BMS1: variants seen among roughly 807,000 people sequenced by gnomAD.
BMS1 encodes BMS1 ribosome biogenesis factor, also known as ribosome biogenesis protein BMS1 homolog.
In BMS1, 53 loss-of-function variants were observed where a neutral mutation model predicts 138.7. That is an observed-to-expected ratio of 0.38 (90% CI 0.31 to 0.48). The LOEUF (loss-of-function observed/expected upper bound fraction) is 0.48. Among genes scored for constraint, BMS1 ranks in the 20% least tolerant of loss-of-function variants. The pLI, the probability that BMS1 is intolerant of heterozygous loss-of-function variation, is 0.97. For missense variants in BMS1, 1,360 were observed against 1,565.5 expected, an observed-to-expected ratio of 0.87 and a Z score of 2.22; for synonymous variants, 504 against 539.9, an observed-to-expected ratio of 0.93 and a Z score of 0.92.
intron 7 of BMS1, 97 bp downstream of exon 7, chr10:42,792,711 A>G: frequency 6.6e-7 from 1 of 1,522,688 alleles, no homozygotes; most frequent in South Asian, 1.3e-5. Context: ...ACAAGGGAAG[A>G]TGGCCTTGCT....
intron 21 of BMS1, among the ~76,000 whole-genome samples, chr10:42,829,785 C>T (rs1842750794): frequency 6.6e-6 from 1 of 152,118 alleles, no homozygotes; most frequent in Non-Finnish European, 1.5e-5. Flanking sequence ...CACGGCACTG[C>T]TCTCTAGCCT....
intron 4 of BMS1, among the ~76,000 whole-genome samples, chr10:42,788,284 C>T (rs1045036785): frequency 6.6e-6 from 1 of 152,076 alleles, no homozygotes; most frequent in Non-Finnish European, 1.5e-5. Flanking sequence ...ATTTGTTTCT[C>T]TTTTATTTAA....
intron 13 of BMS1, 98 bp from the exon 14 acceptor site, chr10:42,816,493 AGAATGAGG>A: frequency 1.2e-6 from 1 of 811,310 alleles, no homozygotes; most frequent in Non-Finnish European, 1.9e-6. Flanking sequence ...AGGAACAGTG[AGAATGAGG>A]CTTGGAACGC....
rs1842793422 is a variant in BMS1, at chr10:42,831,210, T to C, written c.*114T>C. 1 of 1,117,622 alleles carries C rather than the reference T, an allele frequency of 8.9e-7. No homozygotes were observed. Among genetic ancestry groups the C allele is most frequent in the Non-Finnish European group, 1.3e-6 (1 of 794,114 alleles). The allele number at this position is 1,117,622 out of a possible 1,614,324, so 69.2% of individuals were successfully genotyped here. On this transcript the variant is annotated 3_prime_UTR_variant, in exon 23 of 23. Coordinates refer to ENST00000374518, the MANE Select transcript of BMS1 (RefSeq NM_014753.4). ...TGGGAAAGAGCTCAAGAGATGTCTCTACTCAAACTGTGCCTGCAGGAGGAG... is the reference window on the plus strand; with the variant it reads ...TGGGAAAGAGCTCAAGAGATGTCTCCACTCAAACTGTGCCTGCAGGAGGAG...
chr10:42,792,936 C>T (rs1239153055), intron 7 of BMS1, 21 bp from the exon 8 acceptor site: 1 of 1,598,430 alleles, frequency 6.3e-7, no homozygotes, highest in Admixed American at 1.8e-5. Flanking sequence ...CTGAAGCTGG[C>T]TTTTGGGTTC....
At chr10:42,799,092 C>G (rs950984254) in intron 12 of BMS1, among the ~76,000 whole-genome samples, 4 of 152,186 alleles carry the variant, frequency 2.6e-5, no homozygotes, top group Non-Finnish European at 5.9e-5. Flanking sequence ...TTACCCTCCT[C>G]TTAGACCTCT....
intron 18 of BMS1, among the ~76,000 whole-genome samples, chr10:42,821,494 T>C (rs1045887962): frequency 2.0e-5 from 3 of 151,096 alleles, no homozygotes; most frequent in Non-Finnish European, 4.4e-5. Context: ...ATCATTATAG[T>C]GAAATTACAT....
Position 42,797,510 on chromosome 10 carries a change from T to A in BMS1, c.2076T>A (p.Leu692=), listed in dbSNP as rs1841728109. The part of the protein sequence containing the change: ...QQQAAPNLRK[L]IYGTVTEDNE... ...AAGCAGCTCCAAACCTCCGAAAGCTTATTTATGGGACAGGTAAAGAATTCT... is the reference window on the plus strand; with the variant it reads ...AAGCAGCTCCAAACCTCCGAAAGCTAATTTATGGGACAGGTAAAGAATTCT... Residue 692 remains leucine, a synonymous_variant, in exon 11 of 23, where the codon CTT becomes CTA. Coordinates refer to ENST00000374518, the MANE Select transcript of BMS1 (RefSeq NM_014753.4). 2 of 1,614,042 alleles carry A rather than the reference T, an allele frequency of 1.2e-6. No homozygotes were observed. The highest frequency in any genetic ancestry group is 1.7e-6 in the Non-Finnish European group (2 of 1,179,984).
chr10:42,803,248 C>T (rs886239021), intron 13 of BMS1, among the ~76,000 whole-genome samples: 2 of 152,142 alleles, frequency 1.3e-5, no homozygotes, highest in Admixed American at 6.5e-5. Flanking sequence ...AAGAGATACT[C>T]CTGCCTCAGC....
chr10:42,793,905 C>T lies in BMS1; in HGVS notation c.1143C>T (p.Ser381=). 4.3e-6 allele frequency: 7 copies of T among 1,611,824 alleles called. No individual in the cohort carries two copies. Among genetic ancestry groups the T allele is most frequent in the Non-Finnish European group, 5.9e-6 (7 of 1,179,812 alleles). The change falls in exon 9 of 23, where the codon TCC becomes TCT. Residue 381 remains serine (S), a synonymous_variant. Transcript: ENST00000374518. Reference sequence around the variant, plus strand: ...TCCAGAGTCTCATCTCTACCCACTCCACCATTGATGCCAAGATGGCTTCAA... The same window carrying T: ...TCCAGAGTCTCATCTCTACCCACTCTACCATTGATGCCAAGATGGCTTCAA... ...ELVQSLISTH[S]TIDAKMASSR...
chr10:42,795,427 C>T (rs896541171), intron 9 of BMS1, among the ~76,000 whole-genome samples: 1 of 151,846 alleles, frequency 6.6e-6, no homozygotes, highest in Non-Finnish European at 1.5e-5. Flanking sequence ...TCAAGTGGTC[C>T]TCCTGCTTCA....
chr10:42,821,026 G>C (rs755236270), intron 18 of BMS1, 34 bp downstream of exon 18: 12 of 1,482,604 alleles, frequency 8.1e-6, no homozygotes, highest in Non-Finnish European at 1.0e-5. Context: ...TTACAGATTG[G>C]TTTGAGAAAT....
intron 21 of BMS1, among the ~76,000 whole-genome samples, chr10:42,824,272 T>C (rs1470759659): frequency 1.3e-5 from 2 of 152,254 alleles, no homozygotes; most frequent in Non-Finnish European, 1.5e-5. Context: ...TGTATTGTTT[T>C]AATATACATC....
Position 42,832,269 on chromosome 10 carries a change from A to T in BMS1, c.*1173A>T, listed in dbSNP as rs1842814723. 1.3e-5 allele frequency: 2 copies of T among 152,090 alleles called. No individual in the cohort carries two copies. Among genetic ancestry groups the T allele is most frequent in the African/African-American group, 2.4e-5 (1 of 41,392 alleles). 9.4% of individuals were successfully genotyped at this position (152,090 alleles called of 1,614,324 possible). On this transcript the variant is annotated 3_prime_UTR_variant, in exon 23 of 23. Transcript: ENST00000374518. ...GCAAAACCTCATCGCTACAAAAAAT[A>T]AAAAATTCGCCAGGTGTGGTGGGTG...
At chr10:42,828,525 TGG>T (rs1283563877) in intron 21 of BMS1, among the ~76,000 whole-genome samples, 107 of 151,676 alleles carry the variant, frequency 7.1e-4, no homozygotes, top group Middle Eastern at 3.4e-3. Flanking sequence ...TGTCGTGTTC[TGG>T]GAGCACAGCG....
chr10:42,823,322 G>C, intron 20 of BMS1, 57 bp downstream of exon 20: 1 of 1,495,506 alleles, frequency 6.7e-7, no homozygotes, highest in South Asian at 1.4e-5. Flanking sequence ...TTGACTTCTA[G>C]CCAGTGTGAC....
At chr10:42,822,848 C>T (rs565178374) in intron 19 of BMS1, among the ~76,000 whole-genome samples, 2 of 152,302 alleles carry the variant, frequency 1.3e-5, no homozygotes, top group African/African-American at 4.8e-5. Flanking sequence ...CCAGTTCAGT[C>T]CAGTAAATCC....
chr10:42,812,742 G>A (rs951003533), intron 13 of BMS1, among the ~76,000 whole-genome samples: 4 of 152,224 alleles, frequency 2.6e-5, no homozygotes, highest in African/African-American at 9.6e-5. Context: ...TGAGGAAGGA[G>A]GCAGGCTTGG....
At chr10:42,813,224 A>G (rs1228118779) in intron 13 of BMS1, among the ~76,000 whole-genome samples, 1 of 152,206 alleles carries the variant, frequency 6.6e-6, no homozygotes, top group Non-Finnish European at 1.5e-5. Context: ...TAGTTGGGCC[A>G]TGTGTTTATT....
Sources: gnomAD v4.1 joint callset for allele counts (sites outside exome capture counted in the v4.1 genomes callset) on GRCh38, gnomAD v4.1.1 for gene constraint, MANE v1.5 for transcripts, NCBI Gene and HGNC (gene_info 2026-07-23, HGNC 2026-07-21) for gene names.